CDH23: variants seen among roughly 807,000 people sequenced by gnomAD.
CDH23 encodes cadherin-23.
A neutral mutation model predicts 317.1 loss-of-function variants in CDH23; 189 were observed. The observed-to-expected ratio is 0.60, with a 90% confidence interval of 0.53 to 0.67. The LOEUF (loss-of-function observed/expected upper bound fraction) is 0.67, where lower values mean the gene tolerates loss of function less well. CDH23 is among the 30% of genes least tolerant of loss of function. CDH23 has a pLI of 0.00. For synonymous variants in CDH23, 1,839 were observed against 1,876.8 expected (o/e 0.98, Z 0.52); for missense variants, 4,401 against 4,592.4 (o/e 0.96, Z 1.20).
chr10:71,595,893 C>G (rs1439705001), intron 9 of CDH23, among the ~76,000 whole-genome samples: 1 of 152,216 alleles, frequency 6.6e-6, no homozygotes, highest in Non-Finnish European at 1.5e-5. Flanking sequence ...CCAGAGGTGA[C>G]CACGTGACTC....
At chr10:71,455,750 T>C (rs1850664389) in intron 3 of CDH23, among the ~76,000 whole-genome samples, 1 of 152,322 alleles carries the variant, frequency 6.6e-6, no homozygotes, top group South Asian at 2.1e-4. Context: ...TGAAAGAGCC[T>C]GTATTTTCCA....
intron 68 of CDH23, 120 bp from the exon 69 acceptor site, chr10:71,813,124 C>T: frequency 8.7e-7 from 1 of 1,154,120 alleles, no homozygotes. Context: ...GCCGCTGATC[C>T]TCTGCCCTAG....
At chr10:71,517,623 C>CATGAGATG (rs1854410749) in intron 6 of CDH23, among the ~76,000 whole-genome samples, 1 of 152,236 alleles carries the variant, frequency 6.6e-6, no homozygotes, top group Non-Finnish European at 1.5e-5. Context: ...TTGACAGCTC[C>CATGAGATG]ACTCATGAGC....
At chr10:71,790,033 G>A (rs1355149399) in intron 45 of CDH23, among the ~76,000 whole-genome samples, 1 of 152,210 alleles carries the variant, frequency 6.6e-6, no homozygotes, top group Non-Finnish European at 1.5e-5. Flanking sequence ...AGGCAGATGT[G>A]GCTCTGGGCA....
chr10:71,441,315 G>A lies in CDH23; in HGVS notation c.67+1417G>A, dbSNP rs17633722. ...GAGAGCAGCCGTGGCCTCCATGTTC[G>A]CTGCACGGTGGGAGTCAGGACACTT... On this transcript the variant is annotated intron_variant, in intron 2 of 69. Transcript: ENST00000224721. 9.8e-3 allele frequency among the ~76,000 whole-genome samples: 1,498 copies of A among 152,222 alleles called. 11 individuals carry two copies. The highest frequency in any genetic ancestry group is 0.014 in the Non-Finnish European group (970 of 68,000).
chr10:71,601,592 G>A (rs562941478), intron 9 of CDH23, among the ~76,000 whole-genome samples: 1 of 152,222 alleles, frequency 6.6e-6, no homozygotes, highest in African/African-American at 2.4e-5. Context: ...AACTGAAAAC[G>A]TCCTGGGAAT....
chr10:71,541,672 A>G (rs543030825), intron 6 of CDH23, among the ~76,000 whole-genome samples: 1 of 152,316 alleles, frequency 6.6e-6, no homozygotes, highest in East Asian at 1.9e-4. Context: ...GGCTTAGTTC[A>G]GTCTTACATC....
intron 7 of CDH23, among the ~76,000 whole-genome samples, chr10:71,569,967 C>T (rs527819472): frequency 5.3e-5 from 8 of 152,136 alleles, no homozygotes; most frequent in Admixed American, 4.6e-4. Flanking sequence ...CAGGTGCAAT[C>T]TTGGTGCACA....
intron 11 of CDH23, among the ~76,000 whole-genome samples, chr10:71,637,746 C>A (rs551555590): frequency 6.6e-6 from 1 of 152,252 alleles, no homozygotes; most frequent in East Asian, 1.9e-4. Flanking sequence ...CCCGATCCAG[C>A]TTGGGCTGAG....
At chr10:71,533,170 C>T (rs1024457432) in intron 6 of CDH23, among the ~76,000 whole-genome samples, 1 of 151,888 alleles carries the variant, frequency 6.6e-6, no homozygotes. Flanking sequence ...GCCCCGAAGG[C>T]GGCTTGGAGA....
intron 1 of CDH23, among the ~76,000 whole-genome samples, chr10:71,424,208 G>A (rs369829130): frequency 2.0e-5 from 3 of 152,200 alleles, no homozygotes; most frequent in Non-Finnish European, 2.9e-5. Flanking sequence ...ACTGGATCTC[G>A]CTCCCCGCCT....
At chr10:71,474,665 G>C (rs893587123) in intron 3 of CDH23, among the ~76,000 whole-genome samples, 1 of 152,198 alleles carries the variant, frequency 6.6e-6, no homozygotes, top group Admixed American at 6.5e-5. Context: ...GCATTGCCAC[G>C]ATCGTTGCTT....
chr10:71,736,390 C>T (rs1260757129), intron 34 of CDH23, among the ~76,000 whole-genome samples: 2 of 152,240 alleles, frequency 1.3e-5, no homozygotes, highest in Non-Finnish European at 2.9e-5. Flanking sequence ...AGCTCACCTC[C>T]ACCTGGCTCC....
chr10:71,661,736 CTG>C (rs1863663143), intron 14 of CDH23, among the ~76,000 whole-genome samples: 1 of 131,146 alleles, frequency 7.6e-6, no homozygotes, highest in African/African-American at 3.0e-5. Flanking sequence ...CCCTCCCACC[CTG>C]CGCGCCCTCC....
At chr10:71,551,134 T>C (rs1183408305) in intron 6 of CDH23, among the ~76,000 whole-genome samples, 2 of 152,254 alleles carry the variant, frequency 1.3e-5, no homozygotes, top group Non-Finnish European at 2.9e-5. Flanking sequence ...TTAATGTGAG[T>C]GTCACGAGGA....
intron 18 of CDH23, among the ~76,000 whole-genome samples, chr10:71,683,454 G>A (rs953119748): frequency 6.6e-6 from 1 of 152,188 alleles, no homozygotes; most frequent in Non-Finnish European, 1.5e-5. Context: ...CACTGCCCAC[G>A]CCCGGCCTTA....
At chr10:71,434,786 G>C (rs910771645) in intron 1 of CDH23, among the ~76,000 whole-genome samples, 1 of 152,168 alleles carries the variant, frequency 6.6e-6, no homozygotes. Flanking sequence ...GAGGAGGGGG[G>C]AGACTTGCTC....
intron 8 of CDH23, among the ~76,000 whole-genome samples, chr10:71,574,186 C>G (rs780779096): frequency 6.6e-6 from 1 of 152,088 alleles, no homozygotes; most frequent in African/African-American, 2.4e-5. Context: ...CCAACTCCCC[C>G]TCTTTATCTG....
chr10:71,604,293 T>A (rs1447164927), intron 9 of CDH23, among the ~76,000 whole-genome samples: 3 of 151,974 alleles, frequency 2.0e-5, no homozygotes, highest in Non-Finnish European at 4.4e-5. Context: ...AAATAAAAAA[T>A]AAATAAAAAG....
Sources: gnomAD v4.1 joint callset for allele counts (sites outside exome capture counted in the v4.1 genomes callset) on GRCh38, gnomAD v4.1.1 for gene constraint, MANE v1.5 for transcripts, NCBI Gene and HGNC (gene_info 2026-07-23, HGNC 2026-07-21) for gene names.